Variants in NBEA observed in about 807,000 individuals in gnomAD.
NBEA encodes neurobeachin.
A neutral mutation model predicts 343.4 loss-of-function variants in NBEA; 44 were observed. That is an observed-to-expected ratio of 0.13 (90% CI 0.10 to 0.16). The LOEUF (loss-of-function observed/expected upper bound fraction) is 0.16. Among genes scored for constraint, NBEA ranks in the 10% least tolerant of loss-of-function variants. The probability of loss-of-function intolerance (pLI) is 1.00; values close to 1 mark genes in which losing one functional copy is unlikely to be tolerated. For missense variants in NBEA, 2,555 were observed against 3,631.3 expected (o/e 0.70, Z 7.62); for synonymous variants, 1,175 against 1,238.7 (o/e 0.95, Z 1.08).
chr13:35,633,291 A>G (rs2083546904), intron 49 of NBEA, among the ~76,000 whole-genome samples: 1 of 151,056 alleles, frequency 6.6e-6, no homozygotes, highest in South Asian at 2.1e-4. Context: ...TTTAGTAGAG[A>G]TGGGGTTTCA....
intron 1 of NBEA, among the ~76,000 whole-genome samples, chr13:34,960,485 A>G (rs1333159771): frequency 2.0e-5 from 3 of 152,034 alleles, no homozygotes; most frequent in Non-Finnish European, 4.4e-5. Context: ...GTAATGTCCT[A>G]GGCCTTCACA....
intron 1 of NBEA, among the ~76,000 whole-genome samples, chr13:34,953,785 C>T (rs977167225): frequency 5.3e-5 from 8 of 152,190 alleles, no homozygotes; most frequent in South Asian, 2.1e-4. Flanking sequence ...CCCTGGGCCA[C>T]GGACCTGTTA....
chr13:35,261,722 G>A (rs1431658392), intron 34 of NBEA, among the ~76,000 whole-genome samples: 5 of 151,810 alleles, frequency 3.3e-5, no homozygotes, highest in Admixed American at 2.0e-4. Flanking sequence ...GAGAAAAGAC[G>A]AAAAAAGAAA....
chr13:35,561,129 G>C (rs1170562681), intron 44 of NBEA, among the ~76,000 whole-genome samples: 1 of 152,146 alleles, frequency 6.6e-6, no homozygotes. Context: ...AGCACCGTCA[G>C]TATCACACAT....
chr13:35,099,655 C>T (rs1373115402), intron 11 of NBEA, among the ~76,000 whole-genome samples: 3 of 151,810 alleles, frequency 2.0e-5, no homozygotes, highest in African/African-American at 7.3e-5. Flanking sequence ...TGCTCTTTTT[C>T]CCTGCTCTTA....
At chr13:35,050,804 TA>T (rs2063039511) in intron 6 of NBEA, among the ~76,000 whole-genome samples, 1 of 151,968 alleles carries the variant, frequency 6.6e-6, no homozygotes, top group African/African-American at 2.4e-5. Context: ...CTAATCCTAG[TA>T]GTTCTGAATA....
At chr13:35,174,686 A>G (rs1269266310) in intron 27 of NBEA, among the ~76,000 whole-genome samples, 1 of 152,166 alleles carries the variant, frequency 6.6e-6, no homozygotes, top group Non-Finnish European at 1.5e-5. Flanking sequence ...TGGGAAATTA[A>G]ATACAAATGG....
chr13:35,450,338 A>G (rs2046248334), intron 39 of NBEA, among the ~76,000 whole-genome samples: 1 of 152,052 alleles, frequency 6.6e-6, no homozygotes, highest in African/African-American at 2.4e-5. Flanking sequence ...AATAAAAAAA[A>G]TAGCCAGGCA....
intron 31 of NBEA, among the ~76,000 whole-genome samples, chr13:35,203,407 A>G (rs1397179897): frequency 6.6e-6 from 1 of 151,966 alleles, no homozygotes; most frequent in East Asian, 1.9e-4. Flanking sequence ...TTTTTTGTCA[A>G]TCTTCTCTGA....
intron 38 of NBEA, among the ~76,000 whole-genome samples, chr13:35,421,527 G>GT (rs1412151562): frequency 6.6e-6 from 1 of 151,996 alleles, no homozygotes; most frequent in East Asian, 1.9e-4. Context: ...CCACATCAGT[G>GT]TTACAATTTT....
At chr13:35,272,618 G>A (rs1053969099) in intron 34 of NBEA, among the ~76,000 whole-genome samples, 3 of 152,042 alleles carry the variant, frequency 2.0e-5, no homozygotes, top group Non-Finnish European at 2.9e-5. Context: ...CCCATCTCAC[G>A]TGCAAAGACA....
chr13:35,671,404 A>C lies in NBEA; in HGVS notation c.*413A>C, dbSNP rs908179587. Reference sequence around the variant, plus strand: ...TTCAAGCTGAGAAAAAAAAAAAAAAACACGTTTGATACTTTGTACATCAGA... The same window carrying C: ...TTCAAGCTGAGAAAAAAAAAAAAAACCACGTTTGATACTTTGTACATCAGA... On this transcript the variant is annotated 3_prime_UTR_variant, in exon 59 of 59. Coordinates refer to ENST00000379939, the MANE Select transcript of NBEA (RefSeq NM_001385012.1). The C allele has an allele frequency of 6.4e-5, 10 of 155,800 alleles. No individual in the cohort carries two copies. Among genetic ancestry groups the C allele is most frequent in the Non-Finnish European group, 9.9e-5 (7 of 70,520 alleles). The allele number at this position is 155,800 out of a possible 1,614,324, so 9.7% of individuals were successfully genotyped here.
intron 40 of NBEA, among the ~76,000 whole-genome samples, chr13:35,464,500 G>A (rs759694585): frequency 6.6e-6 from 1 of 152,022 alleles, no homozygotes; most frequent in Non-Finnish European, 1.5e-5. Context: ...AAAATAGGCC[G>A]GAAATCATGA....
chr13:35,421,026 T>C (rs2044239132), intron 38 of NBEA, among the ~76,000 whole-genome samples: 1 of 152,044 alleles, frequency 6.6e-6, no homozygotes, highest in South Asian at 2.1e-4. Flanking sequence ...TTTTTTATTG[T>C]TTCCTTTCTT....
At chr13:35,105,400 G>A (rs544941632) in intron 11 of NBEA, among the ~76,000 whole-genome samples, 3 of 152,122 alleles carry the variant, frequency 2.0e-5, no homozygotes, top group South Asian at 4.1e-4. Context: ...TCTCAATAAT[G>A]TCATCAGAGA....
intron 29 of NBEA, among the ~76,000 whole-genome samples, chr13:35,183,653 C>G (rs2071473158): frequency 6.6e-6 from 1 of 151,998 alleles, no homozygotes; most frequent in Non-Finnish European, 1.5e-5. Context: ...ATTTAAAACA[C>G]TAAGACTTAT....
intron 38 of NBEA, among the ~76,000 whole-genome samples, chr13:35,408,915 A>G (rs1050000759): frequency 1.3e-5 from 2 of 152,184 alleles, no homozygotes; most frequent in African/African-American, 4.8e-5. Flanking sequence ...AGTCAGTTCA[A>G]CCATTGTGGA....
intron 31 of NBEA, among the ~76,000 whole-genome samples, chr13:35,205,463 T>A (rs1023194980): frequency 5.3e-5 from 8 of 152,164 alleles, no homozygotes; most frequent in Admixed American, 6.6e-5. Context: ...TCAGATTTTT[T>A]AAAAATGCTG....
intron 45 of NBEA, among the ~76,000 whole-genome samples, chr13:35,577,088 T>C (rs570627789): frequency 6.6e-6 from 1 of 152,326 alleles, no homozygotes; most frequent in South Asian, 2.1e-4. Flanking sequence ...ATTGGCTTCA[T>C]TCTCAAACAG....
Sources: gnomAD v4.1 joint callset for allele counts (sites outside exome capture counted in the v4.1 genomes callset) on GRCh38, gnomAD v4.1.1 for gene constraint, MANE v1.5 for transcripts, NCBI Gene and HGNC (gene_info 2026-07-23, HGNC 2026-07-21) for gene names.